PLPPR1: variants seen among roughly 807,000 people sequenced by gnomAD.
PLPPR1 encodes the protein phospholipid phosphatase-related protein type 1.
PLPPR1 carries 10 observed loss-of-function variants against 33.1 expected under a neutral mutation model. That is an observed-to-expected ratio of 0.30 (90% CI 0.19 to 0.51). The LOEUF (loss-of-function observed/expected upper bound fraction) is 0.51, where lower values mean the gene tolerates loss of function less well. PLPPR1 is among the 20% of genes least tolerant of loss of function. The pLI is 0.97. For missense variants in PLPPR1, 304 were observed against 408.1 expected (o/e 0.74, Z 2.20); for synonymous variants, 151 against 151.0 (o/e 1.00, Z 0.00).
chr9:101,113,206 C>T (rs1376074462), intron 1 of PLPPR1, among the ~76,000 whole-genome samples: 2 of 144,306 alleles, frequency 1.4e-5, no homozygotes, highest in Admixed American at 6.9e-5. Context: ...CATATTAATC[C>T]TTTTTTTTTT....
rs150395556 is a variant in PLPPR1, at chr9:101,150,712, A to G, written c.-45-34738A>G. On this transcript the variant is annotated intron_variant, in intron 1 of 7. Transcript: ENST00000374874. ...ATCCTGTTCTCCTCTGACTGTCTCT[A>G]TCAACTAGGTGGTTATGCGGTGGAT... 6.2e-4 allele frequency among the ~76,000 whole-genome samples: 94 copies of G among 152,216 alleles called. 1 individual carries two copies. The highest frequency in any genetic ancestry group is 2.1e-3 in the African/African-American group (86 of 41,534).
chr9:101,130,024 C>A (rs1831295602), intron 1 of PLPPR1, among the ~76,000 whole-genome samples: 1 of 152,114 alleles, frequency 6.6e-6, no homozygotes, highest in South Asian at 2.1e-4. Context: ...GATGAGAAAA[C>A]AGAGCATTAG....
intron 2 of PLPPR1, among the ~76,000 whole-genome samples, chr9:101,238,396 G>T: frequency 7.0e-6 from 1 of 142,760 alleles, no homozygotes; most frequent in African/African-American, 2.6e-5. Context: ...ATATATGATG[G>T]AATTGTGTGT....
At position 101,168,705 on chromosome 9, in the gene PLPPR1, G is replaced by T. The variant is rs1169974834; in HGVS notation, c.-45-16745G>T. On this transcript the variant is annotated intron_variant, in intron 1 of 7. Transcript: ENST00000374874. Reference sequence around the variant, plus strand: ...ACATTATTGGATGGGTGGGTGAATGGATAAAGTGGAACCTTTTTCTCAATG... The same window carrying T: ...ACATTATTGGATGGGTGGGTGAATGTATAAAGTGGAACCTTTTTCTCAATG... Among the ~76,000 whole-genome samples, 7 of 152,192 alleles carry T rather than the reference G, an allele frequency of 4.6e-5. No individual in the cohort carries two copies. In the East Asian group the frequency reaches 1.2e-3, roughly 25 times the overall value.
intron 2 of PLPPR1, among the ~76,000 whole-genome samples, chr9:101,238,249 G>A (rs1315818921): frequency 7.5e-6 from 1 of 133,814 alleles, no homozygotes. Context: ...CCTATATAGA[G>A]AGAGGTATAT....
At chr9:101,218,044 A>G (rs375245095) in intron 2 of PLPPR1, among the ~76,000 whole-genome samples, 12 of 152,298 alleles carry the variant, frequency 7.9e-5, no homozygotes, top group African/African-American at 2.9e-4. Context: ...AGAAAATGCT[A>G]TATACATGAC....
At chr9:101,172,335 A>T (rs1312381234) in intron 1 of PLPPR1, among the ~76,000 whole-genome samples, 1 of 143,680 alleles carries the variant, frequency 7.0e-6, no homozygotes, top group Non-Finnish European at 1.5e-5. Flanking sequence ...AGTATTTGGT[A>T]ACAGACACAC....
At chr9:101,186,136 T>G (rs987047459) in intron 2 of PLPPR1, among the ~76,000 whole-genome samples, 2 of 151,888 alleles carry the variant, frequency 1.3e-5, no homozygotes, top group Non-Finnish European at 2.9e-5. Flanking sequence ...CAGCACCTTT[T>G]TGGTTAAATT....
intron 2 of PLPPR1, among the ~76,000 whole-genome samples, chr9:101,191,540 T>G (rs1045588507): frequency 6.6e-6 from 1 of 152,150 alleles, no homozygotes; most frequent in African/African-American, 2.4e-5. Flanking sequence ...CTTGAGACTT[T>G]TTTTGTAAAA....
At chr9:101,077,415 C>CT (rs1354407797) in intron 1 of PLPPR1, among the ~76,000 whole-genome samples, 12 of 152,094 alleles carry the variant, frequency 7.9e-5, no homozygotes, top group South Asian at 2.1e-4. Context: ...TCTTTGTTTT[C>CT]TTTTTTTTCA....
intron 1 of PLPPR1, among the ~76,000 whole-genome samples, chr9:101,117,852 A>T (rs916135647): frequency 5.3e-5 from 8 of 152,154 alleles, no homozygotes; most frequent in African/African-American, 1.9e-4. Context: ...CTCAATAAAC[A>T]TTCCTTGATC....
In PLPPR1 at chr9:101,316,714, A is replaced by C. The variant is rs542772280; in HGVS notation, c.814-651A>C. Among the ~76,000 whole-genome samples, 3 of 152,170 alleles carry C rather than the reference A, an allele frequency of 2.0e-5. No individual in the cohort carries two copies. In the East Asian group the frequency reaches 5.8e-4, roughly 29 times the overall value. On this transcript the variant is annotated intron_variant, in intron 6 of 7. Transcript: ENST00000374874. Reference sequence around the variant, plus strand: ...GGCAGTAACTTACAGGGAAAGTTTTAAATGGAAGCGATAAAAGAAAACTCA... The same window carrying C: ...GGCAGTAACTTACAGGGAAAGTTTTCAATGGAAGCGATAAAAGAAAACTCA...
chr9:101,178,400 A>G (rs906905847), intron 1 of PLPPR1, among the ~76,000 whole-genome samples: 1 of 152,214 alleles, frequency 6.6e-6, no homozygotes, highest in Non-Finnish European at 1.5e-5. Flanking sequence ...CCATCATGGA[A>G]AGAGCAGAGG....
intron 1 of PLPPR1, among the ~76,000 whole-genome samples, chr9:101,122,578 G>T (rs1259253890): frequency 6.6e-6 from 1 of 152,170 alleles, no homozygotes; most frequent in African/African-American, 2.4e-5. Flanking sequence ...TTTCAAAGTA[G>T]TATATTCCCA....
intron 2 of PLPPR1, among the ~76,000 whole-genome samples, chr9:101,231,358 G>A (rs1034958329): frequency 1.9e-5 from 2 of 107,738 alleles, no homozygotes; most frequent in Non-Finnish European, 3.5e-5. Context: ...AAATGAGATC[G>A]TTTGTTTTTT....
chr9:101,198,233 C>A (rs1206210589), intron 2 of PLPPR1, among the ~76,000 whole-genome samples: 1 of 152,162 alleles, frequency 6.6e-6, no homozygotes, highest in Non-Finnish European at 1.5e-5. Context: ...CTGTGCCCTA[C>A]TCCCATCCCC....
chr9:101,112,801 C>T (rs1358425677), intron 1 of PLPPR1, among the ~76,000 whole-genome samples: 1 of 152,232 alleles, frequency 6.6e-6, no homozygotes, highest in Admixed American at 6.5e-5. Flanking sequence ...TTCATCTTCA[C>T]ATTGTCAAAT....
At chr9:101,139,602 A>G (rs868290304) in intron 1 of PLPPR1, among the ~76,000 whole-genome samples, 1 of 152,152 alleles carries the variant, frequency 6.6e-6, no homozygotes, top group South Asian at 2.1e-4. Flanking sequence ...GATGCCAGGG[A>G]GTGATTGCAA....
intron 1 of PLPPR1, among the ~76,000 whole-genome samples, chr9:101,136,227 C>T (rs973208941): frequency 1.1e-4 from 17 of 152,162 alleles, no homozygotes; most frequent in Non-Finnish European, 2.1e-4. Flanking sequence ...AGCCCACTTC[C>T]CTCTAGAATC....
Sources: allele counts gnomAD v4.1 joint callset (sites outside exome capture counted in the v4.1 genomes callset), GRCh38; gene constraint gnomAD v4.1.1; transcripts MANE v1.5; gene names NCBI Gene and HGNC (gene_info 2026-07-23, HGNC 2026-07-21).